Variants in MCM8 observed in about 807,000 individuals in gnomAD.
MCM8 encodes the protein DNA helicase MCM8.
In MCM8, 85 loss-of-function variants were observed where a neutral mutation model predicts 98.9. That is an observed-to-expected ratio of 0.86 (90% CI 0.72 to 1.03). The LOEUF is 1.03. Ranked by LOEUF, MCM8 falls within the 50% of genes least tolerant of loss-of-function variation. MCM8 has a pLI of 0.00. For synonymous variants in MCM8, 352 were observed against 338.6 expected, an observed-to-expected ratio of 1.04 and a Z score of -0.44; for missense variants, 951 against 997.8, an observed-to-expected ratio of 0.95 and a Z score of 0.63.
intron 17 of MCM8, among the ~76,000 whole-genome samples, chr20:5,987,600 A>G (rs561075538): frequency 1.3e-5 from 2 of 152,252 alleles, no homozygotes; most frequent in Non-Finnish European, 2.9e-5. Flanking sequence ...CTATTGGAGA[A>G]GAGCTATTTA....
chr20:5,963,453 C>A, intron 8 of MCM8, 94 bp downstream of exon 8: 1 of 867,312 alleles, frequency 1.2e-6, no homozygotes, highest in Admixed American at 1.9e-5. Flanking sequence ...TACGTTTTAT[C>A]TAAATGACAA....
At chr20:5,956,919 T>C (rs1033699317) in intron 5 of MCM8, among the ~76,000 whole-genome samples, 2 of 152,148 alleles carry the variant, frequency 1.3e-5, no homozygotes, top group African/African-American at 4.8e-5. Context: ...CTGGAGTTTT[T>C]CAGCACAGGG....
At position 5,972,580 on chromosome 20, in the gene MCM8, AG is replaced by A. The variant is rs543106766; in HGVS notation, c.1255-475del. 5.9e-4 allele frequency: 205 copies of A among 347,652 alleles called. 1 individual carries two copies. The highest frequency in any genetic ancestry group is 4.5e-3 in the African/African-American group (200 of 44,670). The allele number at this position is 347,652 out of a possible 1,614,324, so 21.5% of individuals were successfully genotyped here. ...TTATTTATTTATTTTTTTGAGATGG[AG>A]TCTTGCTCTGTCGCCCAGGCTAGAG... On this transcript the variant is annotated intron_variant, in intron 11 of 18. Coordinates refer to ENST00000610722, the MANE Select transcript of MCM8 (RefSeq NM_032485.6).
In MCM8 at chr20:5,973,219, T is replaced by C. The variant is rs765119741; in HGVS notation, c.1395+23T>C. ...CAGGTAGACAATCAGTCATTTAGTG[T>C]TTGTTCTTTTGCTTGTAAAATGCGT... On this transcript the variant is annotated intron_variant, in intron 12 of 18. Transcript: ENST00000610722. The C allele has an allele frequency of 3.1e-6, 5 of 1,607,956 alleles. No homozygotes were observed. In the East Asian group the frequency reaches 1.1e-4, roughly 36 times the overall value.
intron 15 of MCM8, 107 bp downstream of exon 15, chr20:5,985,107 C>A (rs2089704345): frequency 6.2e-6 from 5 of 807,672 alleles, no homozygotes; most frequent in Non-Finnish European, 9.7e-6. Context: ...TTTACCAGAA[C>A]TTTTTAATAT....
intron 9 of MCM8, 114 bp downstream of exon 9, chr20:5,967,701 A>G (rs2089305880): frequency 1.2e-5 from 16 of 1,379,034 alleles, no homozygotes; most frequent in Non-Finnish European, 1.6e-5. Flanking sequence ...TTGCTTACAT[A>G]AGATGAAACA....
intron 3 of MCM8, among the ~76,000 whole-genome samples, 171 bp downstream of exon 3, chr20:5,952,699 A>G (rs146628346): frequency 1.4e-4 from 22 of 152,334 alleles, no homozygotes; most frequent in South Asian, 1.2e-3. Flanking sequence ...TAGACTTTAT[A>G]TCAGTCAGGA....
intron 16 of MCM8, among the ~76,000 whole-genome samples, chr20:5,986,431 T>A (rs2089736815): frequency 6.6e-6 from 1 of 152,190 alleles, no homozygotes; most frequent in African/African-American, 2.4e-5. Flanking sequence ...TAACTAGGAG[T>A]ATGAGACCCA....
At chr20:5,986,179 GTGTGCCTTGACTTCTCTTTT>G in intron 16 of MCM8, 48 bp downstream of exon 16, 1 of 1,554,772 alleles carries the variant, frequency 6.4e-7, no homozygotes, top group South Asian at 1.1e-5. Context: ...AAGGGGAAGG[GTGTGCCTTGACTTCTCTTTT>G]GAAGTATTTT....
At chr20:5,970,884 C>T (rs1176223610) in intron 10 of MCM8, among the ~76,000 whole-genome samples, 1 of 152,190 alleles carries the variant, frequency 6.6e-6, no homozygotes, top group Admixed American at 6.5e-5. Context: ...TCAGAGCTCA[C>T]TGTAGCTTCA....
chr20:5,991,297 A>G (rs2089846903), intron 17 of MCM8: 1 of 152,192 alleles, frequency 6.6e-6, no homozygotes, highest in Non-Finnish European at 1.5e-5. Flanking sequence ...TATACTTGGT[A>G]TAAGATTTCT....
At chr20:5,957,313 T>C in intron 6 of MCM8, 84 bp downstream of exon 6, 3 of 964,604 alleles carry the variant, frequency 3.1e-6, no homozygotes. Flanking sequence ...TTTATAAAAA[T>C]GAGGAAATCA....
chr20:5,997,525 G>A lies in MCM8; in HGVS notation c.*3134G>A, dbSNP rs1031042609. On this transcript the variant is annotated 3_prime_UTR_variant, in exon 19 of 19. Transcript: ENST00000610722. ...GATGGTGGTCTTGCCATGTTGTCCAGTATGGACTTGAACTACTCAGCTCAA... is the reference window on the plus strand; with the variant it reads ...GATGGTGGTCTTGCCATGTTGTCCAATATGGACTTGAACTACTCAGCTCAA... The A allele has an allele frequency of 1.3e-5, 2 of 152,446 alleles. No individual in the cohort carries two copies. The highest frequency in any genetic ancestry group is 2.9e-5 in the Non-Finnish European group (2 of 68,286). 9.4% of individuals were successfully genotyped at this position (152,446 alleles called of 1,614,324 possible). A position where few individuals can be genotyped will look rare whatever the true frequency, so the allele number is the denominator to read the frequency against.
chr20:5,962,352 CTTTTTTTTT>C (rs926577182), intron 7 of MCM8, among the ~76,000 whole-genome samples: 260 of 40,504 alleles, frequency 6.4e-3, no homozygotes, highest in Non-Finnish European at 7.7e-3. Flanking sequence ...GCCTTCATTT[CTTTTTTTTT>C]TTTTTTTTTT....
Position 5,952,517 on chromosome 20 carries a change from A to G in MCM8, c.242A>G (p.Tyr81Cys). ...ATACCATATAAAGGCTGGAAGCTTT[A>G]TTTCTCTGAAGGTAGGGTTTAAAAA... ...RFIPYKGWKL[Y>C]FSEVYSDSSP... Residue 81 changes from tyrosine (Y) to cysteine (C), a missense_variant, in exon 3 of 19, where the codon TAT (tyrosine) becomes TGT (cysteine). By Grantham distance (194) the Tyr-to-Cys change is radical (BLOSUM62 -2). Transcript: ENST00000610722. The G allele has an allele frequency of 2.5e-6, 4 of 1,613,530 alleles. No individual in the cohort carries two copies. The highest frequency in any genetic ancestry group is 3.4e-6 in the Non-Finnish European group (4 of 1,179,722).
intron 5 of MCM8, 26 bp downstream of exon 5, chr20:5,955,277 T>C: frequency 6.3e-7 from 1 of 1,599,322 alleles, no homozygotes; most frequent in Admixed American, 1.8e-5. Context: ...ATGCATACTT[T>C]TGTCTAAACT....
chr20:5,953,969 C>G (rs912872767), intron 3 of MCM8, among the ~76,000 whole-genome samples: 7 of 151,984 alleles, frequency 4.6e-5, no homozygotes, highest in Admixed American at 3.3e-4. Flanking sequence ...ATGTATTAGC[C>G]ACCAGCACTC....
intron 18 of MCM8, 36 bp from the exon 19 acceptor site, chr20:5,994,263 A>T: frequency 1.6e-6 from 2 of 1,237,228 alleles, no homozygotes; most frequent in Non-Finnish European, 2.3e-6. Flanking sequence ...TTGACATGTT[A>T]CTTAATGGGC....
chr20:5,986,247 T>C (rs1399495723), intron 16 of MCM8, 116 bp downstream of exon 16: 1 of 869,492 alleles, frequency 1.2e-6, no homozygotes, highest in Non-Finnish European at 1.8e-6. Context: ...TATAGAGAGA[T>C]GTTAGAAATG....
Sources: allele counts gnomAD v4.1 joint callset (sites outside exome capture counted in the v4.1 genomes callset), GRCh38; gene constraint gnomAD v4.1.1; transcripts MANE v1.5; gene names NCBI Gene and HGNC (gene_info 2026-07-23, HGNC 2026-07-21).